Variants in SPHKAP observed in about 807,000 individuals in gnomAD.
SPHKAP encodes the protein A-kinase anchor protein SPHKAP.
In SPHKAP, 67 loss-of-function variants were observed where a neutral mutation model predicts 137.5. The observed-to-expected ratio is 0.49, with a 90% confidence interval of 0.40 to 0.60. The LOEUF is 0.60. SPHKAP is among the 20% of genes least tolerant of loss of function. SPHKAP has a pLI of 0.00. For synonymous variants in SPHKAP, 813 were observed against 785.3 expected (o/e 1.04, Z -0.59); for missense variants, 2,097 against 2,069.3 (o/e 1.01, Z -0.26).
In SPHKAP at chr2:227,980,098, T is replaced by C. The variant is rs1467915172; in HGVS notation, c.*1619A>G. On this transcript the variant is annotated 3_prime_UTR_variant, in exon 12 of 12. Coordinates refer to ENST00000392056, the MANE Select transcript of SPHKAP (RefSeq NM_001142644.2). ...CAACAAAAGTCTACACACAGTATTC[T>C]GGGATTGTTTAAAAAATAAGTGTAT... is the stretch of plus-strand genomic sequence containing the variant. 3 of 152,682 alleles carry C rather than the reference T, an allele frequency of 2.0e-5. No individual in the cohort carries two copies. Among genetic ancestry groups the C allele is most frequent in the Non-Finnish European group, 4.4e-5 (3 of 68,036 alleles). 9.5% of individuals were successfully genotyped at this position (152,682 alleles called of 1,614,324 possible). A position where few individuals can be genotyped will look rare whatever the true frequency, so the allele number is the denominator to read the frequency against.
chr2:228,099,033 T>C (rs966228827), intron 3 of SPHKAP, among the ~76,000 whole-genome samples: 1 of 152,186 alleles, frequency 6.6e-6, no homozygotes, highest in African/African-American at 2.4e-5. Context: ...CTCTTTAGTT[T>C]AATCAGGTCC....
At chr2:228,109,117 T>C in intron 2 of SPHKAP, among the ~76,000 whole-genome samples, 178 bp from the exon 3 acceptor site, 1 of 151,976 alleles carries the variant, frequency 6.6e-6, no homozygotes, top group East Asian at 1.9e-4. Context: ...GTATAAAATA[T>C]CCAACCTAGA....
chr2:228,104,294 A>G (rs977924781), intron 3 of SPHKAP, among the ~76,000 whole-genome samples: 4 of 144,684 alleles, frequency 2.8e-5, no homozygotes, highest in South Asian at 2.1e-4. Flanking sequence ...ATTATATCAT[A>G]TATTATATAA....
intron 7 of SPHKAP, among the ~76,000 whole-genome samples, chr2:228,015,769 T>C (rs534016485): frequency 1.3e-5 from 2 of 152,152 alleles, no homozygotes; most frequent in African/African-American, 4.8e-5. Flanking sequence ...CACAGTGTCC[T>C]TGGCAAGATC....
rs758204646 is a variant in SPHKAP at position 228,019,205 on chromosome 2, T to C, written c.1649A>G (p.Asn550Ser). Residue 550 changes from asparagine (N) to serine (S), a missense_variant, in exon 7 of 12, where the codon AAT (asparagine) becomes AGT (serine). Coordinates refer to ENST00000392056, the MANE Select transcript of SPHKAP (RefSeq NM_001142644.2). ...CAAAGCAGATGGAAAGGAGTACTCA[T>C]TGATGGAAGGTTCCTTGAGTCCTTG... ...APQGLKEPSINEYSFPSALCG... is the reference protein window; with the variant it reads ...APQGLKEPSISEYSFPSALCG... 12 of 1,613,694 alleles carry C rather than the reference T, an allele frequency of 7.4e-6. No individual in the cohort carries two copies. Among genetic ancestry groups the C allele is most frequent in the South Asian group, 5.5e-5 (5 of 91,082 alleles).
At chr2:228,056,232 AAG>A in intron 3 of SPHKAP, among the ~76,000 whole-genome samples, 1 of 152,204 alleles carries the variant, frequency 6.6e-6, no homozygotes, top group Non-Finnish European at 1.5e-5. Flanking sequence ...TGGACTCATG[AAG>A]AGAGGGGCCA....
At chr2:228,008,196 CA>C (rs1400228908) in intron 7 of SPHKAP, among the ~76,000 whole-genome samples, 1 of 151,782 alleles carries the variant, frequency 6.6e-6, no homozygotes, top group Non-Finnish European at 1.5e-5. Flanking sequence ...TCTATTTTAT[CA>C]AGCCTTTCTT....
At chr2:228,125,140 T>G (rs1255564432) in intron 2 of SPHKAP, among the ~76,000 whole-genome samples, 1 of 152,196 alleles carries the variant, frequency 6.6e-6, no homozygotes, top group Non-Finnish European at 1.5e-5. Flanking sequence ...ATATTCCAGG[T>G]GTTGATTTTT....
intron 8 of SPHKAP, among the ~76,000 whole-genome samples, chr2:227,995,236 T>C (rs150189709): frequency 3.5e-4 from 53 of 152,324 alleles, no homozygotes; most frequent in Admixed American, 2.1e-3. Context: ...ACATTTACAG[T>C]TGTCATCATT....
Position 228,016,610 on chromosome 2 carries a change from T to C in SPHKAP, c.4244A>G (p.Asn1415Ser). 1 of 1,613,930 alleles carries C rather than the reference T, an allele frequency of 6.2e-7. No individual in the cohort carries two copies. Among genetic ancestry groups the C allele is most frequent in the Non-Finnish European group, 8.5e-7 (1 of 1,179,968 alleles). The change falls in exon 7 of 12, where the codon AAC becomes AGC. Residue 1415 changes from asparagine to serine, a missense_variant. By Grantham distance (46) the Asn-to-Ser change is conservative (BLOSUM62 1). Transcript: ENST00000392056. The stretch of plus-strand genomic sequence containing the variant: ...CGAGCAAAGTGATCGCCTTTTGTGG[T>C]TTATTGGTACAGGGTCCTGGCACGA... ...TSSCQDPVPI[N>S]HKRRSLCSRE...
chr2:228,029,657 G>A (rs1203253938), intron 3 of SPHKAP, among the ~76,000 whole-genome samples: 1 of 152,202 alleles, frequency 6.6e-6, no homozygotes, highest in Non-Finnish European at 1.5e-5. Context: ...CAGTGCAAAT[G>A]GAAGCATAAA....
chr2:228,012,163 C>CAAAAAAAAAAAAAAA (rs544782857), intron 7 of SPHKAP, among the ~76,000 whole-genome samples: 11 of 84,920 alleles, frequency 1.3e-4, no homozygotes, highest in African/African-American at 4.4e-4. Context: ...GACTCTACCT[C>CAAAAAAAAAAAAAAA]AAAAAAAAAA....
chr2:228,026,432 G>C (rs530069139), intron 4 of SPHKAP, among the ~76,000 whole-genome samples: 3 of 152,176 alleles, frequency 2.0e-5, no homozygotes, highest in African/African-American at 7.2e-5. Context: ...CATGGATTAG[G>C]TACCATTATT....
rs1191078820 is a variant in SPHKAP at position 228,024,854 on chromosome 2, ATAG to A, written c.441+537_441+539del. Among the ~76,000 whole-genome samples the A allele has an allele frequency of 5.9e-5, 9 of 152,284 alleles. No individual in the cohort carries two copies. The East Asian group carries it at 1.3e-3, about 23-fold the overall frequency. On this transcript the variant is annotated intron_variant, in intron 5 of 11. Transcript: ENST00000392056. ...ATGAACATGAGTGCACGGAATGATA[ATAG>A]TAGTATTTTAGTTACTGTTTATTTT...
chr2:228,148,133 C>A (rs902030263), intron 1 of SPHKAP, among the ~76,000 whole-genome samples: 6 of 151,960 alleles, frequency 3.9e-5, no homozygotes, highest in African/African-American at 1.5e-4. Flanking sequence ...ATACTGGAGC[C>A]CAGAGAAGAG....
At chr2:228,030,513 C>CAAAAAAAAAAAAAAAAAAAAAACAA (rs11287311) in intron 3 of SPHKAP, among the ~76,000 whole-genome samples, 2 of 48,752 alleles carry the variant, frequency 4.1e-5, no homozygotes, top group African/African-American at 7.4e-5. Flanking sequence ...GATACCATCT[C>CAAAAAAAAAAAAAAAAAAAAAACAA]AAAAAAAAAA....
At chr2:228,000,177 G>A (rs777628425) in intron 7 of SPHKAP, among the ~76,000 whole-genome samples, 38 of 152,118 alleles carry the variant, frequency 2.5e-4, no homozygotes, top group Non-Finnish European at 4.1e-4. Flanking sequence ...AGCATGTAGC[G>A]TCTTAAGATT....
At chr2:228,092,669 T>C (rs547472210) in intron 3 of SPHKAP, among the ~76,000 whole-genome samples, 62 of 147,034 alleles carry the variant, frequency 4.2e-4, no homozygotes, top group Middle Eastern at 7.2e-3. Context: ...TATATACATA[T>C]ACATGTGCCA....
At chr2:228,020,882 G>T (rs1168132869) in intron 6 of SPHKAP, among the ~76,000 whole-genome samples, 1 of 152,148 alleles carries the variant, frequency 6.6e-6, no homozygotes, top group Non-Finnish European at 1.5e-5. Context: ...ACAAATGCAA[G>T]TAGGAGATGT....
Sources: gnomAD v4.1 joint callset for allele counts (sites outside exome capture counted in the v4.1 genomes callset) on GRCh38, gnomAD v4.1.1 for gene constraint, MANE v1.5 for transcripts, NCBI Gene and HGNC (gene_info 2026-07-23, HGNC 2026-07-21) for gene names.